Variants in IQCM observed in about 807,000 individuals in gnomAD.
IQCM encodes the protein IQ motif containing M, also known as IQ domain-containing protein M.
A neutral mutation model predicts 57.6 loss-of-function variants in IQCM; 45 were observed. That is an observed-to-expected ratio of 0.78 (90% CI 0.62 to 1.00). The LOEUF (loss-of-function observed/expected upper bound fraction) is 1.00, where lower values mean the gene tolerates loss of function less well. Ranked by LOEUF, IQCM falls within the 50% of genes least tolerant of loss-of-function variation. The probability of loss-of-function intolerance (pLI) is 0.00; values close to 1 mark genes in which losing one functional copy is unlikely to be tolerated. For synonymous variants in IQCM, 148 were observed against 158.9 expected (o/e 0.93, Z 0.51); for missense variants, 468 against 511.6 (o/e 0.91, Z 0.82).
At chr4:149,672,209 G>A (rs933100633) in intron 7 of IQCM, among the ~76,000 whole-genome samples, 5 of 152,142 alleles carry the variant, frequency 3.3e-5, no homozygotes, top group African/African-American at 7.2e-5. Context: ...AAATCAGAGC[G>A]GCTCTTCTCC....
At chr4:149,652,438 T>A (rs1046404704) in intron 7 of IQCM, among the ~76,000 whole-genome samples, 1 of 151,962 alleles carries the variant, frequency 6.6e-6, no homozygotes, top group Non-Finnish European at 1.5e-5. Flanking sequence ...ATTCAGCACA[T>A]GTATCCCAGA....
chr4:149,502,084 T>C (rs1353627741), intron 12 of IQCM, among the ~76,000 whole-genome samples: 1 of 147,014 alleles, frequency 6.8e-6, no homozygotes, highest in Non-Finnish European at 1.5e-5. Flanking sequence ...AAACCACTTA[T>C]GGGTAATTAC....
At chr4:149,730,951 C>T (rs1293951524) in intron 5 of IQCM, among the ~76,000 whole-genome samples, 1 of 152,060 alleles carries the variant, frequency 6.6e-6, no homozygotes, top group Non-Finnish European at 1.5e-5. Flanking sequence ...CGGTAGTGAT[C>T]CCTCACATCT....
chr4:149,790,190 C>T (rs1876069), intron 2 of IQCM: 59,299 of 411,636 alleles, frequency 0.14, 4,379 homozygotes, highest in East Asian at 0.19. Context: ...TTGGGAAGAA[C>T]ATGAAGAATA....
chr4:149,595,977 T>C (rs1401639890), intron 8 of IQCM, among the ~76,000 whole-genome samples: 3 of 152,162 alleles, frequency 2.0e-5, no homozygotes, highest in Admixed American at 6.6e-5. Flanking sequence ...AACATTCAGA[T>C]TAGGAAAGAC....
chr4:149,516,918 A>G (rs963494666), intron 12 of IQCM, among the ~76,000 whole-genome samples: 10 of 152,016 alleles, frequency 6.6e-5, no homozygotes, highest in African/African-American at 2.4e-4. Flanking sequence ...GACCCGGAAT[A>G]TCAAGACAAA....
At chr4:149,737,588 C>G (rs928404170) in intron 3 of IQCM, 3 of 152,172 alleles carry the variant, frequency 2.0e-5, no homozygotes, top group African/African-American at 7.2e-5. Flanking sequence ...ACCACGTAGA[C>G]TCACAGGCCA....
chr4:149,698,483 G>A (rs879424093), intron 5 of IQCM, among the ~76,000 whole-genome samples: 3 of 152,040 alleles, frequency 2.0e-5, no homozygotes, highest in African/African-American at 4.8e-5. Context: ...AGTTCTCTAC[G>A]ATGTTAGCAG....
chr4:149,796,973 CA>C (rs1773168192), intron 2 of IQCM, among the ~76,000 whole-genome samples: 1 of 152,074 alleles, frequency 6.6e-6, no homozygotes, highest in Non-Finnish European at 1.5e-5. Context: ...GCAAAGACTA[CA>C]ATAAATACCT....
chr4:149,438,912 A>G (rs2111314650), intron 12 of IQCM, among the ~76,000 whole-genome samples: 1 of 152,168 alleles, frequency 6.6e-6, no homozygotes, highest in Non-Finnish European at 1.5e-5. Flanking sequence ...TGAAATACCA[A>G]CATTACTTAA....
chr4:149,633,338 G>C (rs1757456222), intron 7 of IQCM, among the ~76,000 whole-genome samples: 1 of 152,086 alleles, frequency 6.6e-6, no homozygotes, highest in Non-Finnish European at 1.5e-5. Flanking sequence ...TCATCAGAAA[G>C]AAAGCAAAAT....
chr4:149,359,765 T>G (rs965985513), intron 13 of IQCM, among the ~76,000 whole-genome samples: 36 of 152,202 alleles, frequency 2.4e-4, no homozygotes, highest in South Asian at 1.2e-3. Flanking sequence ...CACAACTTAT[T>G]CAAGGTTATA....
intron 3 of IQCM, among the ~76,000 whole-genome samples, chr4:149,737,420 C>A (rs1297380189): frequency 6.6e-6 from 1 of 152,118 alleles, no homozygotes; most frequent in East Asian, 1.9e-4. Context: ...TGTGACAAAT[C>A]AAGTACAGTA....
chr4:149,547,809 C>T (rs982854393), intron 12 of IQCM, among the ~76,000 whole-genome samples: 2 of 151,736 alleles, frequency 1.3e-5, no homozygotes, highest in Admixed American at 1.3e-4. Context: ...TATACTTTGA[C>T]AAAGCTGGGG....
intron 5 of IQCM, among the ~76,000 whole-genome samples, chr4:149,725,520 A>G (rs755343093): frequency 3.3e-5 from 5 of 152,170 alleles, no homozygotes; most frequent in Non-Finnish European, 7.4e-5. Flanking sequence ...GGCACATGCA[A>G]AGGTTCCTAG....
chr4:149,415,570 T>A (rs1389208459), intron 13 of IQCM, among the ~76,000 whole-genome samples: 2 of 152,122 alleles, frequency 1.3e-5, no homozygotes, highest in African/African-American at 4.8e-5. Flanking sequence ...TGCTTTTTTT[T>A]AGAATAGGCA....
chr4:149,392,562 A>G (rs1731941062), intron 13 of IQCM, among the ~76,000 whole-genome samples: 2 of 151,992 alleles, frequency 1.3e-5, no homozygotes, highest in Admixed American at 6.6e-5. Flanking sequence ...ACATATACAT[A>G]ACCTAAGTTT....
chr4:149,384,981 C>A (rs1467818585), intron 13 of IQCM, among the ~76,000 whole-genome samples: 1 of 151,970 alleles, frequency 6.6e-6, no homozygotes, highest in Non-Finnish European at 1.5e-5. Context: ...AAATTTTCTA[C>A]ACCATCCACT....
chr4:149,473,813 A>G (rs1045333386), intron 12 of IQCM, among the ~76,000 whole-genome samples: 7 of 152,238 alleles, frequency 4.6e-5, no homozygotes, highest in East Asian at 1.9e-4. Context: ...TGATGAGTTC[A>G]TGTCCTTTGT....
Sources: gnomAD v4.1 joint callset for allele counts (sites outside exome capture counted in the v4.1 genomes callset) on GRCh38, gnomAD v4.1.1 for gene constraint, MANE v1.5 for transcripts, NCBI Gene and HGNC (gene_info 2026-07-23, HGNC 2026-07-21) for gene names.